ZNF385D: variants seen among roughly 807,000 people sequenced by gnomAD.
ZNF385D encodes the protein zinc finger protein 385D, also known as zinc finger protein 659.
In ZNF385D, 15 loss-of-function variants were observed where a neutral mutation model predicts 35.8. The ratio of observed to expected loss-of-function variants is 0.42; its 90% CI spans 0.28 to 0.64. The LOEUF (loss-of-function observed/expected upper bound fraction) is 0.64, where lower values mean the gene tolerates loss of function less well. ZNF385D is among the 30% of genes least tolerant of loss of function. The probability of loss-of-function intolerance (pLI) is 0.23; values close to 1 mark genes in which losing one functional copy is unlikely to be tolerated. For synonymous variants in ZNF385D, 212 were observed against 186.8 expected, an observed-to-expected ratio of 1.13 and a Z score of -1.10; for missense variants, 474 against 494.6, an observed-to-expected ratio of 0.96 and a Z score of 0.39.
chr3:21,878,662 G>A (rs1698109911), intron 3 of ZNF385D, among the ~76,000 whole-genome samples: 1 of 151,902 alleles, frequency 6.6e-6, no homozygotes. Flanking sequence ...ATATTTAAAT[G>A]CTCTCATTGA....
chr3:21,850,687 G>A (rs145498476), intron 3 of ZNF385D, among the ~76,000 whole-genome samples: 2,861 of 152,206 alleles, frequency 0.019, 43 homozygotes, highest in Non-Finnish European at 0.029. Flanking sequence ...GTTGAGAGAT[G>A]TTAAAACTCT....
In ZNF385D at chr3:21,648,304, T is replaced by C. The variant is rs74910330; in HGVS notation, c.165+16582A>G. Among the ~76,000 whole-genome samples the C allele has an allele frequency of 8.2e-3, 1,256 of 152,262 alleles. 19 individuals carry two copies. Among genetic ancestry groups the C allele is most frequent in the African/African-American group, 0.029 (1,222 of 41,540 alleles). On this transcript the variant is annotated intron_variant, in intron 2 of 7. Coordinates refer to ENST00000281523, the MANE Select transcript of ZNF385D (RefSeq NM_024697.3). ...CTCCTGCTGCCATGTGAAGAAGATC[T>C]TTGCTTCCTCTTCGCCTTCTGCCAT... is the stretch of plus-strand genomic sequence containing the variant.
chr3:21,789,968 A>G (rs563006491), intron 3 of ZNF385D, among the ~76,000 whole-genome samples: 17 of 152,330 alleles, frequency 1.1e-4, no homozygotes, highest in African/African-American at 3.8e-4. Flanking sequence ...TCAGACTTCA[A>G]AATGAAACAC....
chr3:22,168,300 TA>T (rs1311993554), intron 3 of ZNF385D, among the ~76,000 whole-genome samples: 1 of 152,090 alleles, frequency 6.6e-6, no homozygotes, highest in Non-Finnish European at 1.5e-5. Flanking sequence ...CACATACTTT[TA>T]AAAAGTAGTC....
At chr3:22,351,581 C>A (rs937930198) in intron 2 of ZNF385D, among the ~76,000 whole-genome samples, 1 of 152,048 alleles carries the variant, frequency 6.6e-6, no homozygotes, top group African/African-American at 2.4e-5. Flanking sequence ...GCTATAACTA[C>A]AAATATAGCT....
chr3:21,903,520 T>G (rs554142527), intron 3 of ZNF385D, among the ~76,000 whole-genome samples: 57 of 152,236 alleles, frequency 3.7e-4, no homozygotes, highest in African/African-American at 1.0e-3. Context: ...TGTATGAAAA[T>G]CAAAATTGAT....
chr3:22,283,985 C>G (rs1048778168), intron 2 of ZNF385D, among the ~76,000 whole-genome samples: 1 of 151,990 alleles, frequency 6.6e-6, no homozygotes, highest in African/African-American at 2.4e-5. Flanking sequence ...TTATTGATGC[C>G]TTTTATGATG....
At chr3:21,905,196 C>T (rs372150316) in intron 3 of ZNF385D, among the ~76,000 whole-genome samples, 1 of 7,668 alleles carries the variant, frequency 1.3e-4, no homozygotes, top group Non-Finnish European at 3.0e-4. Flanking sequence ...GGTCCAGTAA[C>T]AAAAAATCCA....
chr3:21,924,080 G>A (rs1371187004), intron 3 of ZNF385D, among the ~76,000 whole-genome samples: 1 of 152,072 alleles, frequency 6.6e-6, no homozygotes, highest in Non-Finnish European at 1.5e-5. Flanking sequence ...CATAATCAAT[G>A]AGATAATAAA....
At chr3:22,148,226 C>T (rs79923443) in intron 3 of ZNF385D, among the ~76,000 whole-genome samples, 3,561 of 152,100 alleles carry the variant, frequency 0.023, 143 homozygotes, top group African/African-American at 0.082. Flanking sequence ...TGGTCAAATC[C>T]AATTAAGTAC....
chr3:21,546,932 G>C (rs1208459925), intron 3 of ZNF385D, among the ~76,000 whole-genome samples: 1 of 152,024 alleles, frequency 6.6e-6, no homozygotes, highest in Non-Finnish European at 1.5e-5. Context: ...AAGAGGGAAA[G>C]TGGACACTCT....
chr3:21,437,162 C>T lies in ZNF385D; in HGVS notation c.481G>A (p.Val161Met), dbSNP rs778286182. ...ATAACACTGCTTTTGCGGATTTCCA[C>T]AGTTGTCGTCGTTGATATTGCTGGT... ...GTPAISTTTTVEIRKSSVMTT... is the reference protein window; with the variant it reads ...GTPAISTTTTMEIRKSSVMTT... The change falls in exon 5 of 8, where the codon GTG (valine) becomes ATG (methionine). Residue 161 changes from valine to methionine, a missense_variant. Coordinates refer to ENST00000281523, the MANE Select transcript of ZNF385D (RefSeq NM_024697.3). 3.7e-6 allele frequency: 6 copies of T among 1,613,806 alleles called. No homozygotes were observed. The highest frequency in any genetic ancestry group is 1.7e-4 in the Middle Eastern group (1 of 6,056).
At chr3:21,793,075 G>A (rs184543863) in intron 3 of ZNF385D, among the ~76,000 whole-genome samples, 223 of 152,304 alleles carry the variant, frequency 1.5e-3, no homozygotes, top group African/African-American at 5.1e-3. Flanking sequence ...GTTTCTAAAT[G>A]AGATAATTTG....
At chr3:22,155,332 G>T (rs974740971) in intron 3 of ZNF385D, among the ~76,000 whole-genome samples, 4 of 151,880 alleles carry the variant, frequency 2.6e-5, no homozygotes, top group East Asian at 3.9e-4. Context: ...GAAATGAAAT[G>T]AATTAAAATA....
intron 3 of ZNF385D, among the ~76,000 whole-genome samples, chr3:21,977,928 G>A (rs964151178): frequency 1.3e-5 from 2 of 152,240 alleles, no homozygotes; most frequent in African/African-American, 4.8e-5. Context: ...TTAAGGGCAA[G>A]CACACTGCCC....
At chr3:22,189,385 C>A (rs1280921367) in intron 2 of ZNF385D, among the ~76,000 whole-genome samples, 1 of 152,070 alleles carries the variant, frequency 6.6e-6, no homozygotes, top group Non-Finnish European at 1.5e-5. Context: ...CTAACCAGAG[C>A]CTAACACAAA....
chr3:22,001,400 T>C (rs567782682), intron 3 of ZNF385D, among the ~76,000 whole-genome samples: 1 of 152,104 alleles, frequency 6.6e-6, no homozygotes, highest in Admixed American at 6.6e-5. Context: ...AAAGTCATTA[T>C]ATAATAATAA....
intron 3 of ZNF385D, among the ~76,000 whole-genome samples, chr3:21,953,756 G>A (rs567341216): frequency 6.6e-6 from 1 of 152,098 alleles, no homozygotes; most frequent in South Asian, 2.1e-4. Flanking sequence ...TATGATGCCT[G>A]AGAGAGTAAT....
At chr3:21,556,329 T>C (rs2125616900) in intron 3 of ZNF385D, among the ~76,000 whole-genome samples, 1 of 152,260 alleles carries the variant, frequency 6.6e-6, no homozygotes, top group Middle Eastern at 3.4e-3. Context: ...TTGCCTAGGT[T>C]TTCTTCTAGG....
Sources: gnomAD v4.1 joint callset for allele counts (sites outside exome capture counted in the v4.1 genomes callset) on GRCh38, gnomAD v4.1.1 for gene constraint, MANE v1.5 for transcripts, NCBI Gene and HGNC (gene_info 2026-07-23, HGNC 2026-07-21) for gene names.